SGCZ: variants seen among roughly 807,000 people sequenced by gnomAD.
SGCZ encodes the protein sarcoglycan zeta, also known as zeta-sarcoglycan.
Under a neutral mutation model 41.3 loss-of-function variants are expected in SGCZ, and 40 were observed. The observed-to-expected ratio is 0.97, with a 90% CI of 0.75 to 1.26. SGCZ has a LOEUF of 1.26. Ranked by LOEUF, SGCZ falls within the 50% of genes most tolerant of loss-of-function variation. The pLI, the probability that SGCZ is intolerant of heterozygous loss-of-function variation, is 0.00. For synonymous variants in SGCZ, 206 were observed against 137.5 expected, an observed-to-expected ratio of 1.50 and a Z score of -3.49; for missense variants, 552 against 369.8, an observed-to-expected ratio of 1.49 and a Z score of -4.04.
At chr8:15,038,506 GA>G (rs145027907) in intron 1 of SGCZ, among the ~76,000 whole-genome samples, 6,751 of 146,212 alleles carry the variant, frequency 0.046, 240 homozygotes, top group South Asian at 0.15. Flanking sequence ...AAAACTACTA[GA>G]AAAAAAAAAC....
chr8:14,737,149 A>G (rs1296667070), intron 1 of SGCZ, among the ~76,000 whole-genome samples: 1 of 149,120 alleles, frequency 6.7e-6, no homozygotes, highest in Non-Finnish European at 1.5e-5. Flanking sequence ...TAAGATATAT[A>G]TATATCTATA....
intron 2 of SGCZ, among the ~76,000 whole-genome samples, chr8:14,436,239 G>C (rs1055823075): frequency 6.6e-6 from 1 of 152,174 alleles, no homozygotes; most frequent in Non-Finnish European, 1.5e-5. Flanking sequence ...CACAGACCCT[G>C]GCGATGAGCC....
chr8:14,575,066 C>T (rs545003207), intron 1 of SGCZ, among the ~76,000 whole-genome samples: 2 of 152,154 alleles, frequency 1.3e-5, no homozygotes, highest in Non-Finnish European at 2.9e-5. Context: ...CACCAAATTA[C>T]TTTTCTAACT....
intron 1 of SGCZ, among the ~76,000 whole-genome samples, chr8:15,052,141 G>A (rs1007219776): frequency 2.0e-5 from 3 of 152,150 alleles, no homozygotes; most frequent in African/African-American, 7.2e-5. Flanking sequence ...TTCATCAAGA[G>A]GAGGAGAGAA....
In SGCZ at chr8:15,184,643, GAAGA is replaced by G. The variant is rs529840738; in HGVS notation, c.39+52938_39+52941del. ...CCCAGCAGGAAACTGAGAGGTGAGG[GAAGA>G]GAGAGCAGGCGATTTCTTCACACAC... On this transcript the variant is annotated intron_variant, in intron 1 of 7. Coordinates refer to ENST00000382080, the MANE Select transcript of SGCZ (RefSeq NM_139167.4). Among the ~76,000 whole-genome samples the G allele has an allele frequency of 1.1e-4, 17 of 152,290 alleles. No homozygotes were observed. The South Asian group carries it at 3.3e-3, about 30-fold the overall frequency.
chr8:14,959,916 G>C (rs557457302), intron 1 of SGCZ, among the ~76,000 whole-genome samples: 1 of 152,224 alleles, frequency 6.6e-6, no homozygotes, highest in South Asian at 2.1e-4. Context: ...CTGAGGGAAG[G>C]TCAGTTTTAA....
chr8:14,215,842 A>C (rs1255145377), intron 4 of SGCZ, among the ~76,000 whole-genome samples: 2 of 152,222 alleles, frequency 1.3e-5, no homozygotes, highest in Non-Finnish European at 2.9e-5. Flanking sequence ...AAAATATCCC[A>C]AAAAGAAAAT....
At chr8:14,420,093 T>A (rs1799599380) in intron 2 of SGCZ, among the ~76,000 whole-genome samples, 1 of 152,070 alleles carries the variant, frequency 6.6e-6, no homozygotes, top group Admixed American at 6.6e-5. Context: ...TGCATTCTAT[T>A]TTTATGTTAT....
intron 1 of SGCZ, among the ~76,000 whole-genome samples, chr8:15,222,965 T>C (rs1801654188): frequency 6.6e-6 from 1 of 152,190 alleles, no homozygotes; most frequent in Admixed American, 6.5e-5. Flanking sequence ...AAGCATAGTT[T>C]GAGAACCACT....
intron 1 of SGCZ, among the ~76,000 whole-genome samples, chr8:15,156,849 G>A (rs1799344492): frequency 6.6e-6 from 1 of 151,670 alleles, no homozygotes; most frequent in African/African-American, 2.4e-5. Context: ...GGAGGCTGAG[G>A]CAGGAGATTC....
At chr8:15,222,472 C>G (rs938959521) in intron 1 of SGCZ, among the ~76,000 whole-genome samples, 35 of 152,072 alleles carry the variant, frequency 2.3e-4, no homozygotes, top group Admixed American at 1.4e-3. Context: ...GAAGGACCTG[C>G]TTGGCTAGCA....
intron 2 of SGCZ, among the ~76,000 whole-genome samples, chr8:14,523,826 T>C (rs1166277725): frequency 6.6e-6 from 1 of 152,152 alleles, no homozygotes; most frequent in African/African-American, 2.4e-5. Flanking sequence ...ATACGAATGA[T>C]AGATCTATTG....
At chr8:14,094,429 T>C (rs1218777601) in intron 7 of SGCZ, among the ~76,000 whole-genome samples, 5 of 152,094 alleles carry the variant, frequency 3.3e-5, no homozygotes, top group African/African-American at 1.2e-4. Flanking sequence ...GAATGATGGT[T>C]TCCAGCATCA....
chr8:14,540,513 A>G (rs1803432321), intron 2 of SGCZ, among the ~76,000 whole-genome samples: 1 of 150,164 alleles, frequency 6.7e-6, no homozygotes, highest in African/African-American at 2.4e-5. Context: ...AAACCCTTCC[A>G]CTGATTCCCA....
intron 1 of SGCZ, among the ~76,000 whole-genome samples, chr8:14,685,108 T>G (rs1224730658): frequency 6.6e-6 from 1 of 152,194 alleles, no homozygotes; most frequent in Non-Finnish European, 1.5e-5. Context: ...TTAAACACAT[T>G]AATTAAAACT....
intron 1 of SGCZ, among the ~76,000 whole-genome samples, chr8:14,668,145 G>C (rs1459891974): frequency 1.3e-5 from 2 of 152,078 alleles, no homozygotes; most frequent in Non-Finnish European, 2.9e-5. Context: ...TTTTAGTAGA[G>C]ACGGGGGATT....
chr8:14,921,385 ACTT>A (rs1341389161), intron 1 of SGCZ, among the ~76,000 whole-genome samples: 1 of 152,132 alleles, frequency 6.6e-6, no homozygotes, highest in East Asian at 1.9e-4. Flanking sequence ...ATTTCAGGCA[ACTT>A]CTTCATTAGA....
intron 1 of SGCZ, among the ~76,000 whole-genome samples, chr8:14,860,619 G>A (rs996647868): frequency 6.8e-6 from 1 of 147,476 alleles, no homozygotes; most frequent in Non-Finnish European, 1.5e-5. Flanking sequence ...AGACAAGACA[G>A]AGAAAAAGAC....
At chr8:14,439,158 G>C (rs1336099197) in intron 2 of SGCZ, among the ~76,000 whole-genome samples, 2 of 151,894 alleles carry the variant, frequency 1.3e-5, no homozygotes, top group African/African-American at 4.8e-5. Context: ...TTGTTAAAGG[G>C]AAGAATTATT....
Sources: gnomAD v4.1 joint callset for allele counts (sites outside exome capture counted in the v4.1 genomes callset) on GRCh38, gnomAD v4.1.1 for gene constraint, MANE v1.5 for transcripts, NCBI Gene and HGNC (gene_info 2026-07-23, HGNC 2026-07-21) for gene names.